MAST4: variants seen among roughly 807,000 people sequenced by gnomAD.
The protein encoded by MAST4 is microtubule-associated serine/threonine-protein kinase 4.
A neutral mutation model predicts 162.7 loss-of-function variants in MAST4; 89 were observed. The observed-to-expected ratio is 0.55, with a 90% CI of 0.46 to 0.65. MAST4 has a LOEUF of 0.65. MAST4 is among the 30% of genes least tolerant of loss of function. The probability of loss-of-function intolerance (pLI) is 0.00; values close to 1 mark genes in which losing one functional copy is unlikely to be tolerated. For synonymous variants in MAST4, 1,479 were observed against 1,361.1 expected (o/e 1.09, Z -1.91); for missense variants, 3,153 against 3,374.0 (o/e 0.93, Z 1.62).
rs1761811308 is a variant in MAST4, at chr5:66,883,278, CTT to C, written c.643-16672_643-16671del. Among the ~76,000 whole-genome samples, 3 of 152,150 alleles carry C rather than the reference CTT, an allele frequency of 2.0e-5. No individual in the cohort carries two copies. In the South Asian group the frequency reaches 6.2e-4, roughly 32 times the overall value. ...TCACTCATATTGTGAGCAGTGGTCT[CTT>C]GTGATTATTTACGTCCTATGTGGAA... On this transcript the variant is annotated intron_variant, in intron 3 of 28. Transcript: ENST00000403625.
chr5:66,745,708 T>A (rs1752714989), intron 1 of MAST4, among the ~76,000 whole-genome samples: 1 of 152,242 alleles, frequency 6.6e-6, no homozygotes, highest in South Asian at 2.1e-4. Flanking sequence ...TACCTGACTC[T>A]GTCCCGACTT....
At chr5:67,068,858 C>G (rs150123781) in intron 5 of MAST4, among the ~76,000 whole-genome samples, 102 of 152,208 alleles carry the variant, frequency 6.7e-4, no homozygotes, top group African/African-American at 2.4e-3. Context: ...GCTAACAGGT[C>G]TCATGCAACT....
intron 4 of MAST4, among the ~76,000 whole-genome samples, chr5:67,046,606 A>T (rs1379878136): frequency 6.6e-6 from 1 of 152,196 alleles, no homozygotes; most frequent in Non-Finnish European, 1.5e-5. Context: ...GCCTTTTCTA[A>T]TATCTACATG....
Position 66,613,967 on chromosome 5 carries a change from C to T in MAST4, c.363+16949C>T, listed in dbSNP as rs374071031. Among the ~76,000 whole-genome samples, 1,165 of 152,266 alleles carry T rather than the reference C, an allele frequency of 7.7e-3. 9 individuals are homozygous for T. Among genetic ancestry groups the T allele is most frequent in the Non-Finnish European group, 0.013 (891 of 68,032 alleles). ...GCCATCTGTGGCAGCGTGGCTGCTC[C>T]CAAAAGCCATGCAAATTTATAAAGC... On this transcript the variant is annotated intron_variant, in intron 1 of 28. Transcript: ENST00000403625.
chr5:67,007,132 C>T (rs557041967), intron 4 of MAST4, among the ~76,000 whole-genome samples: 1 of 152,258 alleles, frequency 6.6e-6, no homozygotes, highest in South Asian at 2.1e-4. Flanking sequence ...ATGTATGTGG[C>T]TATTGCATCC....
chr5:67,072,295 C>A (rs944094951), intron 5 of MAST4, among the ~76,000 whole-genome samples: 3 of 152,168 alleles, frequency 2.0e-5, no homozygotes, highest in African/African-American at 4.8e-5. Flanking sequence ...GTTAATACAT[C>A]ATAGCAGCGT....
Position 67,102,528 on chromosome 5 carries a change from G to A in MAST4, c.1071-8G>A. 1 of 1,613,632 alleles carries A rather than the reference G, an allele frequency of 6.2e-7. No homozygotes were observed. Among genetic ancestry groups the A allele is most frequent in the Non-Finnish European group, 8.5e-7 (1 of 1,179,608 alleles). Reference sequence around the variant, plus strand: ...CAAGTTTAAAAGGGTAATTTGCTTTGCTTGCAGCCCTGGACGTTCTCCCGC... The same window carrying A: ...CAAGTTTAAAAGGGTAATTTGCTTTACTTGCAGCCCTGGACGTTCTCCCGC... On this transcript the variant is annotated splice_polypyrimidine_tract_variant and splice_region_variant and intron_variant, in intron 8 of 28. Coordinates refer to ENST00000403625, the MANE Select transcript of MAST4 (RefSeq NM_001164664.2).
chr5:66,930,207 T>C (rs191968548), intron 4 of MAST4, among the ~76,000 whole-genome samples: 2 of 152,340 alleles, frequency 1.3e-5, no homozygotes, highest in Non-Finnish European at 2.9e-5. Context: ...TACTTCCTTA[T>C]TTCATCAAAT....
chr5:66,613,398 T>C (rs1454982125), intron 1 of MAST4, among the ~76,000 whole-genome samples: 3 of 152,066 alleles, frequency 2.0e-5, no homozygotes, highest in Non-Finnish European at 4.4e-5. Context: ...GGTTACTCAT[T>C]ACTCAAAATT....
chr5:66,598,767 G>C (rs1019127020), intron 1 of MAST4, among the ~76,000 whole-genome samples: 14 of 152,170 alleles, frequency 9.2e-5, no homozygotes, highest in African/African-American at 3.4e-4. Flanking sequence ...TAGCTAGGAG[G>C]GTGCTCCATG....
intron 3 of MAST4, among the ~76,000 whole-genome samples, chr5:66,811,678 A>G (rs1756486455): frequency 6.6e-6 from 1 of 152,142 alleles, no homozygotes; most frequent in Non-Finnish European, 1.5e-5. Context: ...TCTGGTGAAC[A>G]TCTTGATTTA....
At chr5:66,923,515 G>A (rs575306941) in intron 4 of MAST4, among the ~76,000 whole-genome samples, 4 of 152,324 alleles carry the variant, frequency 2.6e-5, no homozygotes, top group African/African-American at 9.6e-5. Flanking sequence ...TGAGGGAAGT[G>A]CTTTCTGTAG....
At chr5:66,887,836 G>A (rs1301461552) in intron 3 of MAST4, among the ~76,000 whole-genome samples, 1 of 152,164 alleles carries the variant, frequency 6.6e-6, no homozygotes, top group Non-Finnish European at 1.5e-5. Flanking sequence ...GAAATAGGAA[G>A]CAGAGAATCT....
intron 4 of MAST4, among the ~76,000 whole-genome samples, chr5:66,951,633 T>TGTGTGTGTG (rs1744704359): frequency 6.7e-6 from 1 of 148,956 alleles, no homozygotes; most frequent in Non-Finnish European, 1.5e-5. Flanking sequence ...TGTGTGTGTG[T>TGTGTGTGTG]GTGTGTGTGT....
chr5:66,891,085 A>C (rs1762333486), intron 3 of MAST4, among the ~76,000 whole-genome samples: 1 of 152,184 alleles, frequency 6.6e-6, no homozygotes, highest in Non-Finnish European at 1.5e-5. Context: ...AGTTTGTCTC[A>C]TATTCCTGCT....
chr5:66,997,807 T>C (rs889048544), intron 4 of MAST4, among the ~76,000 whole-genome samples: 36 of 152,244 alleles, frequency 2.4e-4, no homozygotes, highest in Admixed American at 8.5e-4. Context: ...TATACCCCTA[T>C]GAATTAACGT....
chr5:66,747,930 C>T (rs1752868154), intron 1 of MAST4, among the ~76,000 whole-genome samples: 1 of 152,112 alleles, frequency 6.6e-6, no homozygotes, highest in South Asian at 2.1e-4. Flanking sequence ...GAGTTCAGAA[C>T]TGCTGGTTTA....
intron 4 of MAST4, among the ~76,000 whole-genome samples, chr5:66,906,106 C>T (rs1347487304): frequency 6.6e-6 from 1 of 152,138 alleles, no homozygotes; most frequent in East Asian, 1.9e-4. Context: ...TGCTATCTGT[C>T]ATGTGATGCT....
At chr5:67,057,258 A>G (rs1482657205) in intron 5 of MAST4, among the ~76,000 whole-genome samples, 2 of 152,128 alleles carry the variant, frequency 1.3e-5, no homozygotes, top group East Asian at 1.9e-4. Flanking sequence ...TGCGTTGGAC[A>G]AAGAGTGTCA....
Sources: gnomAD v4.1 joint callset for allele counts (sites outside exome capture counted in the v4.1 genomes callset) on GRCh38, gnomAD v4.1.1 for gene constraint, MANE v1.5 for transcripts, NCBI Gene and HGNC (gene_info 2026-07-23, HGNC 2026-07-21) for gene names.